Variants in CDK13 observed in about 807,000 individuals in gnomAD.
The protein encoded by CDK13 is cyclin-dependent kinase 13.
In CDK13, 40 loss-of-function variants were observed where a neutral mutation model predicts 137.6. The ratio of observed to expected loss-of-function variants is 0.29; its 90% CI spans 0.23 to 0.38. CDK13 has a LOEUF of 0.38. Among genes scored for constraint, CDK13 ranks in the 10% least tolerant of loss-of-function variants. CDK13 has a pLI of 1.00. For synonymous variants in CDK13, 869 were observed against 760.1 expected, an observed-to-expected ratio of 1.14 and a Z score of -2.36; for missense variants, 1,704 against 1,951.8, an observed-to-expected ratio of 0.87 and a Z score of 2.39.
intron 5 of CDK13, among the ~76,000 whole-genome samples, chr7:40,011,055 A>T (rs1015982794): frequency 6.6e-6 from 1 of 152,202 alleles, no homozygotes; most frequent in African/African-American, 2.4e-5. Context: ...AGTATTATTA[A>T]GATGGCAGTA....
intron 5 of CDK13, among the ~76,000 whole-genome samples, chr7:40,019,786 G>A (rs886773007): frequency 8.5e-5 from 13 of 152,172 alleles, no homozygotes; most frequent in African/African-American, 2.4e-4. Context: ...CTTTTAAACC[G>A]TATGGGAATC....
intron 1 of CDK13, among the ~76,000 whole-genome samples, chr7:39,959,783 AT>A (rs149489025): frequency 0.3 from 39,517 of 133,120 alleles, 6,306 homozygotes; most frequent in Middle Eastern, 0.5. Flanking sequence ...TAATTTCTTG[AT>A]TTTTTTTTTT....
chr7:39,981,806 T>A (rs1438085685), intron 1 of CDK13, among the ~76,000 whole-genome samples: 1 of 150,784 alleles, frequency 6.6e-6, no homozygotes, highest in African/African-American at 2.4e-5. Context: ...TTTTTTTTTT[T>A]TTTGAGACGG....
rs1179023753 is a variant in CDK13, at chr7:40,088,302, A to C, written c.3206A>C (p.Lys1069Thr). ...GGTGTGCTGCCATCTTCACAGCTGAAATCTCAGGGCAGCTCAAATGTGGCA... is the reference window on the plus strand; with the variant it reads ...GGTGTGCTGCCATCTTCACAGCTGACATCTCAGGGCAGCTCAAATGTGGCA... ...PQGVLPSSQL[K>T]SQGSSNVAPV... Residue 1069 changes from lysine (K) to threonine (T), a missense_variant, in exon 12 of 14, where the codon AAA (lysine) becomes ACA (threonine). By Grantham distance (78) the Lys-to-Thr change is moderately conservative. Coordinates refer to ENST00000181839, the MANE Select transcript of CDK13 (RefSeq NM_003718.5). 1.2e-6 allele frequency: 2 copies of C among 1,613,174 alleles called. No homozygotes were observed. Among genetic ancestry groups the C allele is most frequent in the African/African-American group, 2.7e-5 (2 of 74,906 alleles).
At chr7:40,073,208 A>C (rs956357237) in intron 9 of CDK13, 1 of 151,846 alleles carries the variant, frequency 6.6e-6, no homozygotes, top group African/African-American at 2.4e-5. Flanking sequence ...AACATACCAC[A>C]GTGATAAAGA....
intron 1 of CDK13, among the ~76,000 whole-genome samples, chr7:39,967,667 A>G (rs1783901797): frequency 6.6e-6 from 1 of 152,106 alleles, no homozygotes; most frequent in Admixed American, 6.5e-5. Context: ...CCTCCATACC[A>G]TTATCCATGA....
chr7:40,029,895 G>T (rs893307629), intron 5 of CDK13, among the ~76,000 whole-genome samples: 3 of 152,054 alleles, frequency 2.0e-5, no homozygotes, highest in African/African-American at 4.8e-5. Flanking sequence ...GTTGTGATAC[G>T]CCTGCCTTGG....
intron 1 of CDK13, among the ~76,000 whole-genome samples, chr7:39,980,677 A>G (rs901719943): frequency 6.6e-6 from 1 of 152,240 alleles, no homozygotes; most frequent in Non-Finnish European, 1.5e-5. Flanking sequence ...AGAAAGTTCC[A>G]TTGAGTGATG....
intron 13 of CDK13, 33 bp downstream of exon 13, chr7:40,093,270 C>A (rs1405706620): frequency 1.3e-6 from 2 of 1,508,226 alleles, no homozygotes; most frequent in African/African-American, 1.4e-5. Context: ...ACTAACACAG[C>A]TGCATTACAT....
chr7:40,093,045 A>G lies in CDK13; in HGVS notation c.3496A>G (p.Ile1166Val), dbSNP rs746170655. Residue 1166 changes from isoleucine to valine, a missense_variant, in exon 13 of 14, where the codon ATC (isoleucine) becomes GTC (valine). Physicochemically the swap from Ile to Val is conservative, Grantham distance 29 (BLOSUM62 3). Coordinates refer to ENST00000181839, the MANE Select transcript of CDK13 (RefSeq NM_003718.5). ...LGGIQPSSQT[I>V]QPKVETDAAQ... ...AGGAATTCAGCCTTCTTCTCAGACC[A>G]TCCAGCCTAAAGTGGAGACTGATGC... 1.9e-6 allele frequency: 3 copies of G among 1,614,200 alleles called. No homozygotes were observed. The highest frequency in any genetic ancestry group is 4.5e-5 in the East Asian group (2 of 44,886).
chr7:40,029,747 G>A (rs1584012016), intron 5 of CDK13, among the ~76,000 whole-genome samples: 1 of 152,012 alleles, frequency 6.6e-6, no homozygotes, highest in East Asian at 1.9e-4. Flanking sequence ...CTGCCTCCCG[G>A]GTTCAAGCGA....
At chr7:40,021,086 T>A (rs1785106901) in intron 5 of CDK13, among the ~76,000 whole-genome samples, 1 of 95,708 alleles carries the variant, frequency 1.0e-5, no homozygotes, top group African/African-American at 3.3e-5. Flanking sequence ...CGAGATTCCA[T>A]CTCAGAGCAA....
At chr7:40,022,858 CT>C (rs200053217) in intron 5 of CDK13, among the ~76,000 whole-genome samples, 547 of 134,506 alleles carry the variant, frequency 4.1e-3, no homozygotes, top group Non-Finnish European at 4.2e-3. Flanking sequence ...TTTTCGTCTT[CT>C]TTTTTTTTTT....
In CDK13 at chr7:40,046,107, C is replaced by T. The variant is rs376525399; in HGVS notation, c.2543+82C>T. 441 of 904,086 alleles carry T rather than the reference C, an allele frequency of 4.9e-4. 3 individuals carry two copies. In the South Asian group the frequency reaches 6.0e-3, roughly 12 times the overall value. The allele number at this position is 904,086 out of a possible 1,614,324, so 56.0% of individuals were successfully genotyped here. A position where few individuals can be genotyped will look rare whatever the true frequency, so the allele number is the denominator to read the frequency against. ...GGAGAGAATAGACTGGAAACCGTAG[C>T]GGCGGGGAATGTCGGGGGTGGTGAG... is the stretch of plus-strand genomic sequence containing the variant. On this transcript the variant is annotated intron_variant, in intron 6 of 13. Transcript: ENST00000181839.
intron 4 of CDK13, among the ~76,000 whole-genome samples, chr7:39,999,760 C>T (rs1308756984): frequency 6.6e-6 from 1 of 151,884 alleles, no homozygotes; most frequent in Non-Finnish European, 1.5e-5. Flanking sequence ...GTTTTTCTTT[C>T]CTCTTTTATG....
rs35737611 is a variant in CDK13, at chr7:40,052,105, GA to G, written c.2600+4235del. Reference sequence around the variant, plus strand: ...CTCTCTTTATGTGACCGTCCTGTATGAAAAAAAGTTTTCCATATTAATTGAA... The same window carrying G: ...CTCTCTTTATGTGACCGTCCTGTATGAAAAAAGTTTTCCATATTAATTGAA... On this transcript the variant is annotated intron_variant, in intron 7 of 13. Transcript: ENST00000181839. Among the ~76,000 whole-genome samples, 21 of 152,052 alleles carry G rather than the reference GA, an allele frequency of 1.4e-4. No individual in the cohort carries two copies. The East Asian group carries it at 3.5e-3, about 25-fold the overall frequency.
chr7:39,972,120 G>T (rs980165812), intron 1 of CDK13, among the ~76,000 whole-genome samples: 1 of 152,178 alleles, frequency 6.6e-6, no homozygotes, highest in African/African-American at 2.4e-5. Context: ...AGGGAAACAT[G>T]AAGACAAACA....
chr7:39,996,967 A>G (rs1784574152), intron 2 of CDK13, among the ~76,000 whole-genome samples: 2 of 148,338 alleles, frequency 1.3e-5, no homozygotes, highest in Non-Finnish European at 1.5e-5. Context: ...ATCTCAAAAA[A>G]AAAAAAAAAG....
At chr7:40,007,520 G>T (rs1784817479) in intron 5 of CDK13, among the ~76,000 whole-genome samples, 2 of 152,074 alleles carry the variant, frequency 1.3e-5, no homozygotes, top group African/African-American at 2.4e-5. Flanking sequence ...TCTGCCTCCC[G>T]GGTTCAAGTG....
Sources: allele counts gnomAD v4.1 joint callset (sites outside exome capture counted in the v4.1 genomes callset), GRCh38; gene constraint gnomAD v4.1.1; transcripts MANE v1.5; gene names NCBI Gene and HGNC (gene_info 2026-07-23, HGNC 2026-07-21).